The following OR10J1 variants were observed in gnomAD, a reference collection of about 807,000 sequenced individuals.
OR10J1 encodes the protein olfactory receptor 10J1.
For missense variants in OR10J1, 474 were observed against 376.6 expected, an observed-to-expected ratio of 1.26 and a Z score of -2.14; for synonymous variants, 202 against 143.8, an observed-to-expected ratio of 1.40 and a Z score of -2.89.
the OR10J1 span, among the ~76,000 whole-genome samples, chr1:159,420,306 A>G: frequency 3.9e-5 from 6 of 152,134 alleles, no homozygotes; most frequent in Admixed American, 6.5e-5. Context: ...GGGAAGTTCA[A>G]TGTATTTACA....
chr1:159,406,045 CA>C, the OR10J1 span: 1 of 421,524 alleles, frequency 2.4e-6, no homozygotes, highest in Non-Finnish European at 4.6e-6. Context: ...TTGTTGATGC[CA>C]AAAGTCACAT....
At chr1:159,437,967 G>C (rs1285786168), upstream of OR10J1, 2 of 152,452 alleles carry the variant, frequency 1.3e-5, no homozygotes, top group Admixed American at 6.5e-5. Flanking sequence ...GGCCAAGGGA[G>C]CCTGACATTT....
the OR10J1 span, among the ~76,000 whole-genome samples, chr1:159,426,108 A>G: frequency 6.6e-6 from 1 of 151,994 alleles, no homozygotes; most frequent in Non-Finnish European, 1.5e-5. Context: ...ACAAATTTTA[A>G]AAAACAATTA....
chr1:159,402,535 C>G, the OR10J1 span, among the ~76,000 whole-genome samples: 2 of 151,856 alleles, frequency 1.3e-5, no homozygotes, highest in Non-Finnish European at 2.9e-5. Flanking sequence ...AATGAATTAT[C>G]TAGGAATGAA....
At chr1:159,432,425 T>C in the OR10J1 span, 227 of 405,212 alleles carry the variant, frequency 5.6e-4, no homozygotes, top group South Asian at 4.0e-3. Context: ...AGACCTATTA[T>C]ACCGTGGCCA....
rs965550789 is a variant in OR10J1, at chr1:159,439,996, T to G, written c.205T>G (p.Ser69Ala). Reference protein sequence around the residue: ...MYFFLSMLSTSETVYTLVILP... With the variant: ...MYFFLSMLSTAETVYTLVILP... ...CTTCTTCCTGAGCATGCTGTCCACTTCAGAGACTGTATATACATTGGTCAT... is the reference window on the plus strand; with the variant it reads ...CTTCTTCCTGAGCATGCTGTCCACTGCAGAGACTGTATATACATTGGTCAT... The change falls in exon 1 of 1, where the codon TCA becomes GCA. Residue 69 changes from serine (S) to alanine (A), a missense_variant. Coordinates refer to ENST00000423932, the MANE Select transcript of OR10J1 (RefSeq NM_012351.3). 1 of 1,614,170 alleles carries G rather than the reference T, an allele frequency of 6.2e-7. No individual in the cohort carries two copies. The highest frequency in any genetic ancestry group is 2.2e-5 in the East Asian group (1 of 44,880).
the OR10J1 span, among the ~76,000 whole-genome samples, chr1:159,430,670 C>T: frequency 0.015 from 270 of 18,550 alleles, no homozygotes; most frequent in Middle Eastern, 0.26. Flanking sequence ...TGTGTGTGTG[C>T]GCGCGCGCAC....
the OR10J1 span, among the ~76,000 whole-genome samples, chr1:159,417,342 T>A: frequency 6.6e-6 from 1 of 152,182 alleles, no homozygotes; most frequent in African/African-American, 2.4e-5. Flanking sequence ...TGATATGGTT[T>A]GACTCTGACC....
chr1:159,438,915 G>C (rs1655819824), upstream of OR10J1, among the ~76,000 whole-genome samples: 2 of 152,086 alleles, frequency 1.3e-5, no homozygotes, highest in East Asian at 3.9e-4. Flanking sequence ...CTTTAGGTGA[G>C]GGACACTTAA....
the OR10J1 span, chr1:159,405,516 G>A: frequency 3.4e-6 from 1 of 291,958 alleles, no homozygotes; most frequent in South Asian, 4.5e-5. Context: ...ACATGACAGA[G>A]TTCAGCAGGG....
chr1:159,401,460 C>T, the OR10J1 span, among the ~76,000 whole-genome samples: 1 of 151,854 alleles, frequency 6.6e-6, no homozygotes, highest in Non-Finnish European at 1.5e-5. Context: ...TGATTAGTGG[C>T]TACTATGAGC....
the OR10J1 span, among the ~76,000 whole-genome samples, chr1:159,430,785 C>T: frequency 4.0e-5 from 6 of 151,878 alleles, no homozygotes; most frequent in Admixed American, 3.9e-4. Flanking sequence ...TTAGTATTTG[C>T]CTGCTATGTA....
chr1:159,399,213 G>A, the OR10J1 span, among the ~76,000 whole-genome samples: 1 of 151,884 alleles, frequency 6.6e-6, no homozygotes, highest in African/African-American at 2.4e-5. Flanking sequence ...GAAATATGAA[G>A]GTAAAATGAA....
chr1:159,432,087 G>A, the OR10J1 span: 2 of 398,864 alleles, frequency 5.0e-6, no homozygotes, highest in Non-Finnish European at 4.4e-6. Context: ...GAAACCCAGA[G>A]CTACATGCCA....
At chr1:159,419,874 T>G in the OR10J1 span, among the ~76,000 whole-genome samples, 1 of 152,226 alleles carries the variant, frequency 6.6e-6, no homozygotes. Flanking sequence ...AATTCATTTT[T>G]TATTTTTACT....
At chr1:159,411,412 T>C in the OR10J1 span, among the ~76,000 whole-genome samples, 1 of 152,192 alleles carries the variant, frequency 6.6e-6, no homozygotes, top group Non-Finnish European at 1.5e-5. Context: ...TTTAGGATAG[T>C]TAGCTCTTCT....
chr1:159,400,987 T>C, the OR10J1 span, among the ~76,000 whole-genome samples: 10 of 151,936 alleles, frequency 6.6e-5, no homozygotes, highest in African/African-American at 2.4e-4. Context: ...TACAAATACA[T>C]AAAAGTTAAA....
chr1:159,407,828 C>T, the OR10J1 span, among the ~76,000 whole-genome samples: 1 of 152,156 alleles, frequency 6.6e-6, no homozygotes, highest in East Asian at 1.9e-4. Flanking sequence ...ATAGCTAGTA[C>T]ATTTTAGTTT....
chr1:159,405,036 T>C, the OR10J1 span, among the ~76,000 whole-genome samples: 1 of 152,098 alleles, frequency 6.6e-6, no homozygotes, highest in African/African-American at 2.4e-5. Context: ...AGAAACTGCA[T>C]ATACTCATGG....
Sources: gnomAD v4.1 joint callset for allele counts (sites outside exome capture counted in the v4.1 genomes callset) on GRCh38, gnomAD v4.1.1 for gene constraint, MANE v1.5 for transcripts, NCBI Gene and HGNC (gene_info 2026-07-23, HGNC 2026-07-21) for gene names.